COL14A1: variants seen among roughly 807,000 people sequenced by gnomAD.
COL14A1 encodes the protein collagen type XIV alpha 1 chain.
In COL14A1, 136 loss-of-function variants were observed where a neutral mutation model predicts 230.3. The observed-to-expected ratio is 0.59, with a 90% CI of 0.51 to 0.68. The LOEUF (loss-of-function observed/expected upper bound fraction) is 0.68, where lower values mean the gene tolerates loss of function less well. Ranked by LOEUF, COL14A1 falls within the 30% of genes least tolerant of loss-of-function variation. The pLI is 0.00. For missense variants in COL14A1, 1,976 were observed against 2,215.8 expected (o/e 0.89, Z 2.17); for synonymous variants, 792 against 784.1 (o/e 1.01, Z -0.17).
rs1487522965 is a variant in COL14A1 at position 120,173,585 on chromosome 8, A to ATCTATCTATCTATCTATCTATCTT, written c.436+5340_436+5341insTATCTATCTATCTATCTATCTTTC. On this transcript the variant is annotated intron_variant, in intron 5 of 47. Transcript: ENST00000297848. Reference sequence around the variant, plus strand: ...CAATCATCTATCTATCTATCTATCTATCATTTATCATCTATCAATCATCTG... The same window carrying ATCTATCTATCTATCTATCTATCTT: ...CAATCATCTATCTATCTATCTATCTATCTATCTATCTATCTATCTATCTTTCATTTATCATCTATCAATCATCTG... Among the ~76,000 whole-genome samples, 5 of 151,424 alleles carry ATCTATCTATCTATCTATCTATCTT rather than the reference A, an allele frequency of 3.3e-5. 1 individual carries two copies. The East Asian group carries it at 7.8e-4, about 23-fold the overall frequency.
intron 29 of COL14A1, among the ~76,000 whole-genome samples, chr8:120,280,333 A>G (rs1819996814): frequency 6.6e-6 from 1 of 152,214 alleles, no homozygotes; most frequent in African/African-American, 2.4e-5. Context: ...CTATGTTTAA[A>G]AGCAACTGTG....
At chr8:120,148,435 C>T (rs1332088234) in intron 2 of COL14A1, among the ~76,000 whole-genome samples, 1 of 152,110 alleles carries the variant, frequency 6.6e-6, no homozygotes, top group Non-Finnish European at 1.5e-5. Flanking sequence ...CTGGCCTATT[C>T]TTAAAGTGCT....
intron 23 of COL14A1, among the ~76,000 whole-genome samples, chr8:120,262,247 T>C (rs921718802): frequency 6.6e-6 from 1 of 151,232 alleles, no homozygotes; most frequent in African/African-American, 2.4e-5. Context: ...CTGAGGCGGG[T>C]GGATCATCTA....
rs113817413 is a variant in COL14A1, at chr8:120,199,523, A to G, written c.834A>G (p.Pro278=). Residue 278 remains proline, a synonymous_variant, in exon 8 of 48, where the codon CCA becomes CCG. Coordinates refer to ENST00000297848, the MANE Select transcript of COL14A1 (RefSeq NM_021110.4). The part of the protein sequence containing the change: ...DGKSQDDIIP[P]SRNLRESGVE... ...AATCCCAAGATGACATTATTCCACC[A>G]TCTAGAAATCTTCGTGAGTCTGGTG... 3.9e-3 allele frequency: 6,235 copies of G among 1,613,096 alleles called. 23 individuals carry two copies. Among genetic ancestry groups the G allele is most frequent in the Non-Finnish European group, 4.4e-3 (5,147 of 1,179,608 alleles).
At chr8:120,188,415 A>C (rs1478749865) in intron 5 of COL14A1, among the ~76,000 whole-genome samples, 2 of 152,172 alleles carry the variant, frequency 1.3e-5, no homozygotes, top group Non-Finnish European at 1.5e-5. Context: ...CATCATTTCC[A>C]AATATGAAAT....
intron 23 of COL14A1, among the ~76,000 whole-genome samples, chr8:120,255,816 C>A (rs1186495901): frequency 6.6e-6 from 1 of 150,934 alleles, no homozygotes; most frequent in Non-Finnish European, 1.5e-5. Context: ...AATTGGTGAA[C>A]AACAACCCTC....
intron 21 of COL14A1, among the ~76,000 whole-genome samples, chr8:120,250,200 T>C (rs1308008949): frequency 6.6e-6 from 1 of 152,234 alleles, no homozygotes; most frequent in East Asian, 1.9e-4. Flanking sequence ...AGGTATGGCC[T>C]GGTCTCCATG....
In COL14A1 at chr8:120,369,424, A is replaced by G. The variant is rs769932222; in HGVS notation, c.5250A>G (p.Gln1750=). 3.1e-6 allele frequency: 5 copies of G among 1,610,628 alleles called. No individual in the cohort carries two copies. The highest frequency in any genetic ancestry group is 1.1e-5 in the South Asian group (1 of 90,138). ...GTCATCTGGGGGTTCCTGGACCCCA[A>G]GGTCCTTCTGGCCAGCCTGGATATT... ...PPGHLGVPGP[Q]GPSGQPGYCD... The change falls in exon 47 of 48, where the codon CAA becomes CAG. Residue 1750 remains glutamine, a synonymous_variant. Transcript: ENST00000297848.
chr8:120,196,911 C>T lies in COL14A1; in HGVS notation c.557C>T (p.Thr186Ile), dbSNP rs762528880. ...CGGCATTTCTTGGAAAACCTGGTTA[C>T]AGCATTCGATGTGGGCTCAGAGAAG... ...LVRHFLENLV[T>I]AFDVGSEKTR... The change falls in exon 6 of 48, where the codon ACA becomes ATA. Residue 186 changes from threonine (T) to isoleucine (I), a missense_variant. By Grantham distance (89) the Thr-to-Ile change is moderately conservative. Around this residue, in one of 3 missense-constraint regions of COL14A1, gnomAD observed 1,791 missense variants for 2,019.5 expected, o/e 0.89. Coordinates refer to ENST00000297848, the MANE Select transcript of COL14A1 (RefSeq NM_021110.4). The T allele has an allele frequency of 1.9e-6, 3 of 1,614,034 alleles. No individual in the cohort carries two copies. Among genetic ancestry groups the T allele is most frequent in the Admixed American group, 1.7e-5 (1 of 60,012 alleles).
At chr8:120,280,816 T>C (rs1021299796) in intron 30 of COL14A1, 67 bp downstream of exon 30, 2 of 1,543,416 alleles carry the variant, frequency 1.3e-6, no homozygotes, top group Non-Finnish European at 1.8e-6. Flanking sequence ...GGATGGGGTT[T>C]CTGTTTTTGT....
rs11300699 is a variant in COL14A1, at chr8:120,149,687, ATT to A, written c.88+1773_88+1774del. The stretch of plus-strand genomic sequence containing the variant: ...ATTGTTAGCCAAATTCTGTTTTTTC[ATT>A]TTTTTTTTTTTTTTTGAGACGGAGT... On this transcript the variant is annotated intron_variant, in intron 2 of 47. Coordinates refer to ENST00000297848, the MANE Select transcript of COL14A1 (RefSeq NM_021110.4). Among the ~76,000 whole-genome samples, 343 of 125,654 alleles carry A rather than the reference ATT, an allele frequency of 2.7e-3. 2 individuals carry two copies. The highest frequency in any genetic ancestry group is 3.9e-3 in the Middle Eastern group (1 of 258). The allele number at this position is 125,654 out of a possible 152,430, so 82.4% of individuals were successfully genotyped here.
chr8:120,217,854 A>G (rs1425719861), intron 14 of COL14A1, among the ~76,000 whole-genome samples: 2 of 151,248 alleles, frequency 1.3e-5, no homozygotes, highest in Non-Finnish European at 2.9e-5. Flanking sequence ...AGATAATATA[A>G]ATGAGTGAAG....
chr8:120,240,467 A>G (rs1017975730), intron 19 of COL14A1, among the ~76,000 whole-genome samples: 3 of 152,210 alleles, frequency 2.0e-5, no homozygotes, highest in Non-Finnish European at 4.4e-5. Flanking sequence ...GCACATCTCT[A>G]TTAAAGTCTG....
At chr8:120,152,268 T>A (rs922254958) in intron 2 of COL14A1, among the ~76,000 whole-genome samples, 1 of 151,938 alleles carries the variant, frequency 6.6e-6, no homozygotes, top group East Asian at 1.9e-4. Context: ...GAGACCATCC[T>A]GGCTAACACG....
chr8:120,128,727 C>T (rs985900370), intron 1 of COL14A1, among the ~76,000 whole-genome samples: 1 of 152,162 alleles, frequency 6.6e-6, no homozygotes, highest in African/African-American at 2.4e-5. Context: ...CCGTTTCCTC[C>T]AGGTAATTTT....
intron 1 of COL14A1, among the ~76,000 whole-genome samples, chr8:120,135,468 T>C (rs1462617109): frequency 6.6e-6 from 1 of 152,148 alleles, no homozygotes; most frequent in African/African-American, 2.4e-5. Context: ...TGTCACCATA[T>C]TGGTCAGGCT....
chr8:120,214,084 A>C (rs1407408819), intron 13 of COL14A1: 3 of 235,426 alleles, frequency 1.3e-5, no homozygotes, highest in Non-Finnish European at 2.6e-5. Context: ...ATTTGTCTTC[A>C]AGTTTTTTGC....
rs1197950958 is a variant in COL14A1, at chr8:120,270,157, G to A, written c.3196G>A (p.Gly1066Ser). The A allele has an allele frequency of 6.2e-7, 1 of 1,610,338 alleles. No homozygotes were observed. Among genetic ancestry groups the A allele is most frequent in the South Asian group, 1.1e-5 (1 of 90,662 alleles). ...CACTGTTGGAGCCCTGAACAAGATT[G>A]GCACAGATGGAACCCAAGTAAGGCT... is the stretch of plus-strand genomic sequence containing the variant. ...YSTVGALNKI[G>S]TDGTQVAMVQ... The change falls in exon 26 of 48, where the codon GGC becomes AGC. Residue 1066 changes from glycine to serine, a missense_variant. Gly to Ser is a moderately conservative substitution (Grantham distance 56). Around this residue, in one of 3 missense-constraint regions of COL14A1, gnomAD observed 1,791 missense variants for 2,019.5 expected, o/e 0.89. Coordinates refer to ENST00000297848, the MANE Select transcript of COL14A1 (RefSeq NM_021110.4).
At chr8:120,161,856 G>T (rs1431442739) in intron 3 of COL14A1, among the ~76,000 whole-genome samples, 1 of 152,102 alleles carries the variant, frequency 6.6e-6, no homozygotes, top group African/African-American at 2.4e-5. Flanking sequence ...GTAGAGACGG[G>T]GTTTCACCAC....
Sources: allele counts gnomAD v4.1 joint callset (sites outside exome capture counted in the v4.1 genomes callset), GRCh38; gene constraint gnomAD v4.1.1; regional missense constraint gnomAD v4.1.1; transcripts MANE v1.5; gene names NCBI Gene and HGNC (gene_info 2026-07-23, HGNC 2026-07-21).